The following SPOCK3 variants were observed in gnomAD, a reference collection of about 807,000 sequenced individuals.
The protein encoded by SPOCK3 is testican-3.
A neutral mutation model predicts 56.6 loss-of-function variants in SPOCK3; 30 were observed. That is an observed-to-expected ratio of 0.53 (90% CI 0.40 to 0.72). SPOCK3 has a LOEUF of 0.72. Among genes scored for constraint, SPOCK3 ranks in the 30% least tolerant of loss-of-function variants. The pLI, the probability that SPOCK3 is intolerant of heterozygous loss-of-function variation, is 0.00. For missense variants in SPOCK3, 527 were observed against 530.0 expected (o/e 0.99, Z 0.06); for synonymous variants, 196 against 183.3 (o/e 1.07, Z -0.56).
intron 5 of SPOCK3, among the ~76,000 whole-genome samples, chr4:166,908,922 T>A (rs942688683): frequency 1.3e-5 from 2 of 152,078 alleles, no homozygotes; most frequent in African/African-American, 4.8e-5. Flanking sequence ...TCAAGAATGA[T>A]TACCTCTCAA....
chr4:166,956,459 A>C (rs1436468590), intron 4 of SPOCK3, among the ~76,000 whole-genome samples: 1 of 152,192 alleles, frequency 6.6e-6, no homozygotes, highest in Non-Finnish European at 1.5e-5. Context: ...CTACTAATTG[A>C]CAAATGGGTA....
At chr4:167,149,114 C>A (rs563059763) in intron 2 of SPOCK3, among the ~76,000 whole-genome samples, 1 of 152,064 alleles carries the variant, frequency 6.6e-6, no homozygotes, top group African/African-American at 2.4e-5. Flanking sequence ...GCCATGTGAC[C>A]ACAAGAGCAA....
intron 3 of SPOCK3, among the ~76,000 whole-genome samples, chr4:167,023,414 A>T (rs1751390412): frequency 1.3e-5 from 2 of 151,990 alleles, no homozygotes; most frequent in African/African-American, 4.8e-5. Flanking sequence ...TACTATAATT[A>T]TATCAATCAT....
Position 167,210,816 on chromosome 4 carries a change from GCTCT to G in SPOCK3, c.189+23165_189+23168del, listed in dbSNP as rs758997536. 5.3e-5 allele frequency among the ~76,000 whole-genome samples: 8 copies of G among 151,568 alleles called. No individual in the cohort carries two copies. The South Asian group carries it at 6.3e-4, about 12-fold the overall frequency. On this transcript the variant is annotated intron_variant, in intron 2 of 10. Transcript: ENST00000357545. ...AGAGCAAAATAGGTAAGTGCAGAAG[GCTCT>G]CTCTCTCTGTGTATCTCTCTCTATA...
intron 2 of SPOCK3, among the ~76,000 whole-genome samples, chr4:167,232,570 C>A (rs1165896813): frequency 6.6e-6 from 1 of 152,074 alleles, no homozygotes; most frequent in African/African-American, 2.4e-5. Context: ...GCATGATAAA[C>A]AAATTTTCTT....
At chr4:167,116,888 C>T (rs1256920781) in intron 2 of SPOCK3, among the ~76,000 whole-genome samples, 8 of 104,934 alleles carry the variant, frequency 7.6e-5, no homozygotes, top group South Asian at 3.0e-4. Flanking sequence ...TGTATATATA[C>T]ATATATACTT....
chr4:167,122,964 TA>T (rs35809046), intron 2 of SPOCK3, among the ~76,000 whole-genome samples: 4,886 of 148,234 alleles, frequency 0.033, 108 homozygotes, highest in Middle Eastern at 0.066. Context: ...AATAATTAAA[TA>T]AAAAAAAATA....
chr4:167,003,723 C>A (rs911521935), intron 3 of SPOCK3, among the ~76,000 whole-genome samples: 1 of 152,192 alleles, frequency 6.6e-6, no homozygotes, highest in African/African-American at 2.4e-5. Context: ...TGGCTATATT[C>A]TTTTCTTCAT....
At chr4:166,922,002 G>T (rs1288612824) in intron 4 of SPOCK3, among the ~76,000 whole-genome samples, 1 of 152,156 alleles carries the variant, frequency 6.6e-6, no homozygotes, top group Non-Finnish European at 1.5e-5. Flanking sequence ...CACAGTAGGA[G>T]GTAAGCAAGC....
intron 4 of SPOCK3, among the ~76,000 whole-genome samples, chr4:166,977,170 A>G (rs1015798809): frequency 6.6e-6 from 1 of 152,202 alleles, no homozygotes; most frequent in South Asian, 2.1e-4. Context: ...TACTCAAAAT[A>G]TATCTTCTAT....
intron 2 of SPOCK3, among the ~76,000 whole-genome samples, chr4:167,097,296 T>G (rs2150318667): frequency 6.6e-6 from 1 of 152,022 alleles, no homozygotes; most frequent in South Asian, 2.1e-4. Context: ...ACTTATATTC[T>G]CAAGTTTTGA....
chr4:166,774,788 C>T (rs1020872524), intron 7 of SPOCK3, among the ~76,000 whole-genome samples: 2 of 152,124 alleles, frequency 1.3e-5, no homozygotes, highest in Non-Finnish European at 2.9e-5. Context: ...AGTGTAAGCA[C>T]CCTCATCCCT....
chr4:166,906,349 G>T (rs986370697), intron 5 of SPOCK3, among the ~76,000 whole-genome samples: 8 of 151,906 alleles, frequency 5.3e-5, no homozygotes, highest in African/African-American at 1.9e-4. Flanking sequence ...TAAAAATTTT[G>T]TGTAGAAACG....
At chr4:167,186,280 T>C (rs1002536532) in intron 2 of SPOCK3, among the ~76,000 whole-genome samples, 1 of 152,204 alleles carries the variant, frequency 6.6e-6, no homozygotes, top group Non-Finnish European at 1.5e-5. Flanking sequence ...CATTTAAAAA[T>C]ACATATTCCA....
At chr4:167,142,352 G>T (rs1016950314) in intron 2 of SPOCK3, among the ~76,000 whole-genome samples, 1 of 151,878 alleles carries the variant, frequency 6.6e-6, no homozygotes, top group Admixed American at 6.6e-5. Flanking sequence ...GATTCAATCA[G>T]CAGGCATGCC....
intron 2 of SPOCK3, among the ~76,000 whole-genome samples, chr4:167,171,117 T>G (rs1730460562): frequency 6.6e-6 from 1 of 152,072 alleles, no homozygotes; most frequent in African/African-American, 2.4e-5. Flanking sequence ...ATCCCCCAAG[T>G]TTTTCAGTTA....
intron 4 of SPOCK3, among the ~76,000 whole-genome samples, chr4:166,989,027 C>T (rs1747479253): frequency 6.6e-6 from 1 of 151,986 alleles, no homozygotes; most frequent in Non-Finnish European, 1.5e-5. Flanking sequence ...AGATACATAT[C>T]AGTCAACCGA....
intron 6 of SPOCK3, among the ~76,000 whole-genome samples, chr4:166,857,681 A>G (rs1389938912): frequency 2.0e-5 from 3 of 152,246 alleles, no homozygotes; most frequent in African/African-American, 4.8e-5. Context: ...TTTTCTGAAG[A>G]TATTTCACAG....
At chr4:166,951,131 AT>A (rs1010990073) in intron 4 of SPOCK3, among the ~76,000 whole-genome samples, 7 of 144,668 alleles carry the variant, frequency 4.8e-5, no homozygotes, top group African/African-American at 2.0e-4. Context: ...CCTTCAGAAA[AT>A]TAATGAATCC....
Sources: allele counts gnomAD v4.1 joint callset (sites outside exome capture counted in the v4.1 genomes callset), GRCh38; gene constraint gnomAD v4.1.1; transcripts MANE v1.5; gene names NCBI Gene and HGNC (gene_info 2026-07-23, HGNC 2026-07-21).